Variants in ABAT observed in about 807,000 individuals in gnomAD.
ABAT encodes the protein 4-aminobutyrate aminotransferase.
A neutral mutation model predicts 64.6 loss-of-function variants in ABAT; 45 were observed. The observed-to-expected ratio is 0.70, with a 90% CI of 0.55 to 0.89. The LOEUF is 0.89. Ranked by LOEUF, ABAT falls within the 40% of genes least tolerant of loss-of-function variation. The pLI, the probability that ABAT is intolerant of heterozygous loss-of-function variation, is 0.00. For synonymous variants in ABAT, 297 were observed against 250.5 expected (o/e 1.19, Z -1.75); for missense variants, 633 against 658.4 (o/e 0.96, Z 0.42).
intron 6 of ABAT, 52 bp downstream of exon 6, chr16:8,757,858 A>C: frequency 6.4e-7 from 1 of 1,567,422 alleles, no homozygotes; most frequent in South Asian, 1.1e-5. Context: ...ATGGCCATTC[A>C]CAGAATCACT....
chr16:8,781,220 C>T lies in ABAT; in HGVS notation c.1382-89C>T, dbSNP rs780124971. ...ATGGATGGATGGATGGATGGATGAGCGTTGCCAACAGGCATCACTTTCCCC... is the reference window on the plus strand; with the variant it reads ...ATGGATGGATGGATGGATGGATGAGTGTTGCCAACAGGCATCACTTTCCCC... On this transcript the variant is annotated intron_variant, in intron 15 of 15. Coordinates refer to ENST00000268251, the MANE Select transcript of ABAT (RefSeq NM_020686.6). The surrounding 1 kb of genome is among the most constrained non-coding windows in gnomAD (Gnocchi z 4.5). The T allele has an allele frequency of 1.4e-5, 22 of 1,581,470 alleles. No homozygotes were observed. The highest frequency in any genetic ancestry group is 2.2e-5 in the East Asian group (1 of 44,702).
intron 1 of ABAT, among the ~76,000 whole-genome samples, chr16:8,719,709 G>A (rs1383521667): frequency 5.9e-5 from 9 of 152,158 alleles, no homozygotes; most frequent in East Asian, 3.9e-4. Context: ...CCTGGGAAAC[G>A]TAGTGAGACC....
rs1379974544 is a variant in ABAT, at chr16:8,779,556, A to G, written c.1347A>G (p.Ile449Met). The change falls in exon 15 of 16, where the codon ATA (isoleucine) becomes ATG (methionine). Residue 449 changes from isoleucine (I) to methionine (M), a missense_variant. Transcript: ENST00000268251. ...CCTTCGATACTCCCGATGATTCCAT[A>G]CGGAATAAGCTCATTTTAATTGCCA... ...FCSFDTPDDS[I>M]RNKLILIARN... The G allele has an allele frequency of 9.3e-6, 15 of 1,613,966 alleles. No homozygotes were observed. Among genetic ancestry groups the G allele is most frequent in the Non-Finnish European group, 1.1e-5 (13 of 1,180,008 alleles).
At chr16:8,739,492 T>C (rs938987719) in intron 2 of ABAT, among the ~76,000 whole-genome samples, 2 of 151,742 alleles carry the variant, frequency 1.3e-5, no homozygotes, top group African/African-American at 2.4e-5. Flanking sequence ...CTGAGGCGGG[T>C]GGATCACCTG....
chr16:8,716,122 G>C (rs942804332), intron 1 of ABAT, among the ~76,000 whole-genome samples: 1 of 152,154 alleles, frequency 6.6e-6, no homozygotes, highest in Non-Finnish European at 1.5e-5. Context: ...TTGGGGATGG[G>C]AGAGCTCTAT....
intron 1 of ABAT, among the ~76,000 whole-genome samples, chr16:8,686,854 C>G (rs1001234142): frequency 6.6e-6 from 1 of 152,198 alleles, no homozygotes; most frequent in Non-Finnish European, 1.5e-5. Context: ...ATGAGAAAGA[C>G]TTGAAAAGTC....
intron 1 of ABAT, among the ~76,000 whole-genome samples, chr16:8,681,509 T>G (rs1006491825): frequency 1.3e-5 from 2 of 149,032 alleles, no homozygotes; most frequent in Admixed American, 6.9e-5. Context: ...CAGGCTGGAG[T>G]GCAGTGGCAT....
intron 1 of ABAT, among the ~76,000 whole-genome samples, chr16:8,707,696 G>C (rs1239227027): frequency 2.0e-5 from 3 of 152,154 alleles, no homozygotes; most frequent in African/African-American, 4.8e-5. Context: ...AAAGCTAGCT[G>C]GACTTAACTC....
chr16:8,780,790 CA>C (rs2060413463), intron 15 of ABAT: 2 of 178,848 alleles, frequency 1.1e-5, no homozygotes, highest in African/African-American at 5.4e-5. Context: ...AAGGCATAAA[CA>C]ACCTCGACAA....
intron 1 of ABAT, among the ~76,000 whole-genome samples, chr16:8,735,147 C>T (rs1225668669): frequency 7.0e-6 from 1 of 142,034 alleles, no homozygotes; most frequent in East Asian, 2.0e-4. Context: ...GCACTCCAGC[C>T]TGAGCGATAG....
intron 1 of ABAT, among the ~76,000 whole-genome samples, chr16:8,708,222 G>A (rs142285763): frequency 3.0e-4 from 46 of 152,230 alleles, no homozygotes; most frequent in African/African-American, 1.0e-3. Flanking sequence ...AAGGTCTCAC[G>A]CTGGTAAGAA....
At chr16:8,701,485 G>A (rs1465898566) in intron 1 of ABAT, among the ~76,000 whole-genome samples, 1 of 152,240 alleles carries the variant, frequency 6.6e-6, no homozygotes, top group East Asian at 1.9e-4. Context: ...ACAAGCTCTG[G>A]AACAGTCCCC....
chr16:8,719,994 G>A (rs2058322305), intron 1 of ABAT, among the ~76,000 whole-genome samples: 1 of 152,094 alleles, frequency 6.6e-6, no homozygotes, highest in Non-Finnish European at 1.5e-5. Flanking sequence ...GTATTTTTTT[G>A]TAGAGTTGGG....
chr16:8,703,349 G>A (rs531150769), intron 1 of ABAT, among the ~76,000 whole-genome samples: 13 of 152,126 alleles, frequency 8.5e-5, no homozygotes, highest in South Asian at 4.2e-4. Context: ...CCAGCTACTC[G>A]GGAGGCTGAG....
At chr16:8,774,518 G>A (rs911869881) in intron 12 of ABAT, among the ~76,000 whole-genome samples, 1 of 152,044 alleles carries the variant, frequency 6.6e-6, no homozygotes, top group African/African-American at 2.4e-5. Flanking sequence ...CATGGCAGCT[G>A]AAGTTTGAGA....
intron 1 of ABAT, among the ~76,000 whole-genome samples, chr16:8,684,946 A>G (rs1310165797): frequency 6.6e-6 from 1 of 152,134 alleles, no homozygotes; most frequent in Admixed American, 6.5e-5. Flanking sequence ...TTGCTTGTCT[A>G]TCAGTTTTCT....
At chr16:8,771,574 T>C (rs1239275820) in intron 11 of ABAT, among the ~76,000 whole-genome samples, 12 of 151,806 alleles carry the variant, frequency 7.9e-5, no homozygotes, top group Non-Finnish European at 1.8e-4. Flanking sequence ...GTTCAAGCGA[T>C]TCTCGTGCCT....
intron 1 of ABAT, among the ~76,000 whole-genome samples, chr16:8,722,396 C>G (rs535385919): frequency 6.6e-6 from 1 of 152,182 alleles, no homozygotes; most frequent in Non-Finnish European, 1.5e-5. Context: ...CCATCTGCCT[C>G]GGCATCCCAA....
intron 6 of ABAT, among the ~76,000 whole-genome samples, chr16:8,763,116 A>T (rs1296449255): frequency 6.6e-6 from 1 of 151,966 alleles, no homozygotes; most frequent in Non-Finnish European, 1.5e-5. Context: ...AAAAAAAAAA[A>T]AAAAAAGCCC....
Sources: gnomAD v4.1 joint callset for allele counts (sites outside exome capture counted in the v4.1 genomes callset) on GRCh38, gnomAD v4.1.1 for gene constraint, Gnocchi (gnomAD v3.1) non-coding constraint, MANE v1.5 for transcripts, NCBI Gene and HGNC (gene_info 2026-07-23, HGNC 2026-07-21) for gene names.